VPS13C: variants seen among roughly 807,000 people sequenced by gnomAD.
VPS13C encodes the protein vacuolar protein sorting 13 homolog C.
VPS13C carries 358 observed loss-of-function variants against 456.8 expected under a neutral mutation model. The ratio of observed to expected loss-of-function variants is 0.78; its 90% CI spans 0.72 to 0.86. The LOEUF is 0.86. Ranked by LOEUF, VPS13C falls within the 40% of genes least tolerant of loss-of-function variation. VPS13C has a pLI of 0.00. For synonymous variants in VPS13C, 1,578 were observed against 1,486.7 expected, an observed-to-expected ratio of 1.06 and a Z score of -1.41; for missense variants, 4,818 against 4,385.4, an observed-to-expected ratio of 1.10 and a Z score of -2.79.
At chr15:61,868,531 C>T (rs1258391855) in intron 81 of VPS13C, 128 bp downstream of exon 81, 19 of 758,170 alleles carry the variant, frequency 2.5e-5, no homozygotes, top group Non-Finnish European at 3.4e-5. Flanking sequence ...TCAAATTCTA[C>T]TCTAGAAACT....
At chr15:61,948,401 G>T (rs193085058) in intron 42 of VPS13C, among the ~76,000 whole-genome samples, 5 of 152,196 alleles carry the variant, frequency 3.3e-5, no homozygotes, top group Admixed American at 6.5e-5. Flanking sequence ...ATCACATCCG[G>T]CCGGGCGTGG....
At chr15:62,050,421 C>T (rs2048578347) in intron 1 of VPS13C, among the ~76,000 whole-genome samples, 1 of 152,192 alleles carries the variant, frequency 6.6e-6, no homozygotes, top group South Asian at 2.1e-4. Context: ...CATTAATAAA[C>T]TACATATATT....
intron 12 of VPS13C, 56 bp from the exon 13 acceptor site, chr15:62,010,655 G>C: frequency 6.9e-7 from 1 of 1,457,372 alleles, no homozygotes; most frequent in South Asian, 1.5e-5. Context: ...ATATAAACAA[G>C]TGTAAATAAT....
intron 1 of VPS13C, among the ~76,000 whole-genome samples, chr15:62,045,986 G>T (rs565840800): frequency 6.6e-5 from 10 of 151,960 alleles, no homozygotes; most frequent in Admixed American, 3.9e-4. Flanking sequence ...CACATACATA[G>T]AAAAAAATAA....
At chr15:61,890,590 C>T (rs1328822271) in intron 66 of VPS13C, among the ~76,000 whole-genome samples, 190 bp from the exon 67 acceptor site, 1 of 152,076 alleles carries the variant, frequency 6.6e-6, no homozygotes, top group African/African-American at 2.4e-5. Context: ...TTTTCAAAAA[C>T]GAAGACTAAT....
Position 61,943,318 on chromosome 15 carries a change from C to T in VPS13C, c.5149-1251G>A, listed in dbSNP as rs553065974. Among the ~76,000 whole-genome samples the T allele has an allele frequency of 3.3e-5, 5 of 152,028 alleles. No homozygotes were observed. The South Asian group carries it at 1.0e-3, about 32-fold the overall frequency. ...AAGAACCCAAATAACCAAAGCAATC[C>T]CAAGCAAAAAGAACAAAGCTGAGGC... On this transcript the variant is annotated intron_variant, in intron 45 of 84. Coordinates refer to ENST00000644861, the MANE Select transcript of VPS13C (RefSeq NM_020821.3).
rs1350607224 is a variant in VPS13C, at chr15:61,863,432, G to C, written c.10952+8C>G. 1 of 1,603,518 alleles carries C rather than the reference G, an allele frequency of 6.2e-7. No homozygotes were observed. The highest frequency in any genetic ancestry group is 2.3e-5 in the East Asian group (1 of 44,364). ...ACTATTTGGAAAAATGTCACTTCAA[G>C]TCAGTACCTATTTGTAACCATAAGG... On this transcript the variant is annotated splice_region_variant and intron_variant, in intron 82 of 84. Coordinates refer to ENST00000644861, the MANE Select transcript of VPS13C (RefSeq NM_020821.3).
rs547032520 is a variant in VPS13C, at chr15:61,991,764, A to T, written c.1392T>A (p.Ala464=). The part of the protein sequence containing the change: ...RSGQKLRKKS[A]DTGEKRGGWF... ...AGCCTCCACGTTTCTCGCCTGTGTC[A>T]GCAGACTTTTTCCTTAATTTTTGCC... The change falls in exon 17 of 85, where the codon GCT becomes GCA. Residue 464 remains alanine (A), a synonymous_variant. Transcript: ENST00000644861. 1.2e-4 allele frequency: 190 copies of T among 1,613,486 alleles called. 1 individual carries two copies. In the South Asian group the frequency reaches 2.0e-3, roughly 17 times the overall value.
chr15:61,981,299 G>A lies in VPS13C; in HGVS notation c.2166+43C>T, dbSNP rs369946203. 2.3e-5 allele frequency: 36 copies of A among 1,537,726 alleles called. No homozygotes were observed. In the African/African-American group the frequency reaches 4.9e-4, roughly 21 times the overall value. ...AAACTGTTGGAGAGTTAGCTAGCAA[G>A]CAGGTCAAAGATGGGCAGACAAAAA... is the stretch of plus-strand genomic sequence containing the variant. On this transcript the variant is annotated intron_variant, in intron 22 of 84. Coordinates refer to ENST00000644861, the MANE Select transcript of VPS13C (RefSeq NM_020821.3).
intron 15 of VPS13C, among the ~76,000 whole-genome samples, chr15:62,003,772 G>C (rs906640736): frequency 6.6e-6 from 1 of 151,896 alleles, no homozygotes; most frequent in Non-Finnish European, 1.5e-5. Context: ...CATCTATTGA[G>C]ATAATCATGT....
intron 67 of VPS13C, among the ~76,000 whole-genome samples, chr15:61,889,185 T>C (rs1433182749): frequency 6.6e-6 from 1 of 152,034 alleles, no homozygotes; most frequent in East Asian, 1.9e-4. Context: ...GCATATACAA[T>C]ATTAAAGTAA....
At chr15:62,022,132 T>G (rs1187129009) in intron 8 of VPS13C, among the ~76,000 whole-genome samples, 1 of 151,914 alleles carries the variant, frequency 6.6e-6, no homozygotes, top group Non-Finnish European at 1.5e-5. Context: ...TGACTTCAAT[T>G]CCTTTGGATA....
rs2043364127 is a variant in VPS13C at position 61,913,476 on chromosome 15, G to C, written c.8446-61C>G. 7 of 1,440,108 alleles carry C rather than the reference G, an allele frequency of 4.9e-6. No individual in the cohort carries two copies. The Admixed American group carries it at 5.5e-5, about 11-fold the overall frequency. The allele number at this position is 1,440,108 out of a possible 1,614,324, so 89.2% of individuals were successfully genotyped here. A position where few individuals can be genotyped will look rare whatever the true frequency, so the allele number is the denominator to read the frequency against. ...CTAAAACACTATAATAATTTTATTT[G>C]AGAGAAAGTTGCTGGACTACTAGAA... On this transcript the variant is annotated intron_variant, in intron 61 of 84. Coordinates refer to ENST00000644861, the MANE Select transcript of VPS13C (RefSeq NM_020821.3).
intron 15 of VPS13C, among the ~76,000 whole-genome samples, chr15:62,005,616 T>C (rs2046806216): frequency 2.0e-5 from 3 of 152,286 alleles, no homozygotes; most frequent in Middle Eastern, 3.4e-3. Flanking sequence ...CTAGTCTCGA[T>C]GGTCTTTACA....
At chr15:62,017,049 TG>T (rs1229660456) in intron 9 of VPS13C, among the ~76,000 whole-genome samples, 5 of 152,232 alleles carry the variant, frequency 3.3e-5, no homozygotes, top group East Asian at 1.9e-4. Context: ...TTCATGTGTC[TG>T]TTGGCTGCAT....
chr15:61,934,077 T>A, intron 49 of VPS13C, 142 bp downstream of exon 49: 1 of 455,548 alleles, frequency 2.2e-6, no homozygotes, highest in South Asian at 7.2e-5. Flanking sequence ...GCAGGACCAA[T>A]GCACATTCTG....
intron 79 of VPS13C, among the ~76,000 whole-genome samples, chr15:61,871,578 T>C (rs76055715): frequency 1.3e-5 from 2 of 148,194 alleles, no homozygotes; most frequent in East Asian, 3.9e-4. Context: ...ACTTTTTTTT[T>C]GGCTATCTGG....
intron 75 of VPS13C, 151 bp from the exon 76 acceptor site, chr15:61,875,996 T>C (rs767452791): frequency 1.2e-5 from 7 of 575,502 alleles, no homozygotes; most frequent in Non-Finnish European, 2.1e-5. Flanking sequence ...CTAATGGATC[T>C]TTTACTGTGT....
chr15:62,020,612 C>A, intron 8 of VPS13C, 74 bp from the exon 9 acceptor site: 1 of 1,459,062 alleles, frequency 6.9e-7, no homozygotes, highest in Admixed American at 1.8e-5. Flanking sequence ...CAATAGGCAG[C>A]AGAGGGAAAT....
Sources: allele counts gnomAD v4.1 joint callset (sites outside exome capture counted in the v4.1 genomes callset), GRCh38; gene constraint gnomAD v4.1.1; transcripts MANE v1.5; gene names NCBI Gene and HGNC (gene_info 2026-07-23, HGNC 2026-07-21).